PCDHA2: variants seen among roughly 807,000 people sequenced by gnomAD.
PCDHA2 encodes protocadherin alpha 2.
A neutral mutation model predicts 66.0 loss-of-function variants in PCDHA2; 58 were observed. The ratio of observed to expected loss-of-function variants is 0.88; its 90% CI spans 0.71 to 1.09. The LOEUF (loss-of-function observed/expected upper bound fraction) is 1.09, where lower values mean the gene tolerates loss of function less well. Among genes scored for constraint, PCDHA2 ranks in the 50% least tolerant of loss-of-function variants. The pLI is 0.00. For synonymous variants in PCDHA2, 634 were observed against 554.0 expected, an observed-to-expected ratio of 1.14 and a Z score of -2.03; for missense variants, 1,267 against 1,242.3, an observed-to-expected ratio of 1.02 and a Z score of -0.30.
intron 1 of PCDHA2, chr5:140,852,221 T>C: frequency 1.6e-6 from 1 of 623,256 alleles, no homozygotes; most frequent in Non-Finnish European, 2.1e-6. Context: ...AATATTTTAA[T>C]TTTTAAATTT....
intron 1 of PCDHA2, among the ~76,000 whole-genome samples, chr5:140,897,646 C>T (rs1336141431): frequency 1.3e-5 from 2 of 152,128 alleles, no homozygotes; most frequent in African/African-American, 4.8e-5. Flanking sequence ...CCACAATAAA[C>T]ATACGTGTGC....
chr5:140,992,405 C>T (rs962261885), intron 3 of PCDHA2, among the ~76,000 whole-genome samples: 1 of 152,152 alleles, frequency 6.6e-6, no homozygotes, highest in Non-Finnish European at 1.5e-5. Context: ...AGATATTGTT[C>T]TGCCCCAGGT....
At chr5:140,828,739 T>C in intron 1 of PCDHA2, 2 of 1,614,220 alleles carry the variant, frequency 1.2e-6, no homozygotes, top group Non-Finnish European at 1.7e-6. Context: ...CAGCCACAGA[T>C]GGGGGCAAAC....
intron 1 of PCDHA2, chr5:140,822,069 G>C (rs2150113403): frequency 4.1e-5 from 66 of 1,614,116 alleles, no homozygotes; most frequent in Admixed American, 6.7e-5. Flanking sequence ...GCCGGCGGAG[G>C]GCGGAGTGCA....
chr5:140,832,888 A>G (rs1772201614), intron 1 of PCDHA2, among the ~76,000 whole-genome samples: 2 of 152,142 alleles, frequency 1.3e-5, no homozygotes, highest in Non-Finnish European at 2.9e-5. Flanking sequence ...AAATGGAAAG[A>G]GTTTTCCCTG....
chr5:140,959,303 T>C (rs1467527270), intron 1 of PCDHA2, among the ~76,000 whole-genome samples: 1 of 151,938 alleles, frequency 6.6e-6, no homozygotes, highest in African/African-American at 2.4e-5. Flanking sequence ...CTGAGCCCGG[T>C]GGTTGAAGCT....
chr5:140,990,136 A>C (rs996616541), intron 3 of PCDHA2, among the ~76,000 whole-genome samples: 1 of 152,198 alleles, frequency 6.6e-6, no homozygotes, highest in African/African-American at 2.4e-5. Context: ...GTCAGACTCA[A>C]GAGGCATAAT....
rs782258261 is a variant in PCDHA2 at position 140,808,474 on chromosome 5, C to CG, written c.2388+11127dup. 6 of 1,614,152 alleles carry CG rather than the reference C, an allele frequency of 3.7e-6. 1 individual carries two copies. In the Middle Eastern group the frequency reaches 1.0e-3, roughly 269 times the overall value. On this transcript the variant is annotated intron_variant, in intron 1 of 3. Transcript: ENST00000526136. ...ATGAGCTGGTGGTGACCGCGCGAGA[C>CG]GGGGGCTCGCCTTCGCTGTGGGCCA...
intron 1 of PCDHA2, among the ~76,000 whole-genome samples, chr5:140,946,992 A>G (rs1393633852): frequency 6.6e-6 from 1 of 151,790 alleles, no homozygotes; most frequent in Non-Finnish European, 1.5e-5. Context: ...TGAGTGTTCT[A>G]ACTTCAAAGA....
intron 1 of PCDHA2, among the ~76,000 whole-genome samples, chr5:140,895,004 T>C (rs535461448): frequency 6.6e-6 from 1 of 152,316 alleles, no homozygotes; most frequent in East Asian, 1.9e-4. Flanking sequence ...CCCTTTTTAC[T>C]TGGACCTTTT....
Position 140,855,527 on chromosome 5 carries a change from G to C in PCDHA2, c.2388+58175G>C, listed in dbSNP as rs1017117704. ...TTAAATCTCAAAATAATGAGAAAGA[G>C]AAGTAAGTTAAGTGTCAGAACTTAA... On this transcript the variant is annotated intron_variant, in intron 1 of 3. Coordinates refer to ENST00000526136, the MANE Select transcript of PCDHA2 (RefSeq NM_018905.3). 1.3e-5 allele frequency among the ~76,000 whole-genome samples: 2 copies of C among 149,890 alleles called. 1 individual carries two copies. The highest frequency in any genetic ancestry group is 4.9e-5 in the African/African-American group (2 of 40,842).
At chr5:141,007,638 T>G (rs1393056593) in intron 3 of PCDHA2, among the ~76,000 whole-genome samples, 7 of 152,128 alleles carry the variant, frequency 4.6e-5, no homozygotes, top group African/African-American at 1.7e-4. Context: ...GCCCTCCCTG[T>G]ATTTGCCTAA....
chr5:140,850,103 C>G (rs2150467019), intron 1 of PCDHA2: 2 of 1,596,104 alleles, frequency 1.3e-6, no homozygotes, highest in Admixed American at 3.4e-5. Flanking sequence ...TCCAGGTGAG[C>G]GCGCGCGACG....
intron 1 of PCDHA2, among the ~76,000 whole-genome samples, chr5:140,977,021 A>G (rs1249097233): frequency 1.3e-5 from 2 of 152,190 alleles, no homozygotes; most frequent in East Asian, 3.8e-4. Context: ...ATTCTGTCAA[A>G]TGAATCTAAG....
At chr5:140,810,319 T>C (rs1233053546) in intron 1 of PCDHA2, 1 of 152,250 alleles carries the variant, frequency 6.6e-6, no homozygotes, top group South Asian at 2.1e-4. Context: ...TTGATGCCCA[T>C]GTACACAGAT....
Position 141,009,608 on chromosome 5 carries a change from G to A in PCDHA2, c.2537-19G>A, listed in dbSNP as rs1350951999. ...CATGTGTTGACCCTGTTAATGATTTGTAATGTTTTGTCTTTCAGAACCAGA... is the reference window on the plus strand; with the variant it reads ...CATGTGTTGACCCTGTTAATGATTTATAATGTTTTGTCTTTCAGAACCAGA... On this transcript the variant is annotated intron_variant, in intron 3 of 3. Coordinates refer to ENST00000526136, the MANE Select transcript of PCDHA2 (RefSeq NM_018905.3). The A allele has an allele frequency of 2.5e-6, 4 of 1,610,656 alleles. No individual in the cohort carries two copies. The highest frequency in any genetic ancestry group is 3.4e-6 in the Non-Finnish European group (4 of 1,177,936).
At chr5:140,867,473 G>A (rs2049977371) in intron 1 of PCDHA2, 1 of 151,968 alleles carries the variant, frequency 6.6e-6, no homozygotes, top group Non-Finnish European at 1.5e-5. Flanking sequence ...ACAACATTGG[G>A]AAAAGAGTAA....
intron 1 of PCDHA2, chr5:140,817,081 T>G (rs1314606602): frequency 1.3e-5 from 2 of 152,230 alleles, no homozygotes; most frequent in Non-Finnish European, 2.9e-5. Flanking sequence ...CTGAGGAGCA[T>G]CAGCCCGCCA....
At chr5:140,914,488 G>T (rs1437401245) in intron 1 of PCDHA2, among the ~76,000 whole-genome samples, 1 of 152,080 alleles carries the variant, frequency 6.6e-6, no homozygotes, top group Non-Finnish European at 1.5e-5. Flanking sequence ...AGTGTTTCTT[G>T]TGGGCAACAG....
Sources: gnomAD v4.1 joint callset for allele counts (sites outside exome capture counted in the v4.1 genomes callset) on GRCh38, gnomAD v4.1.1 for gene constraint, MANE v1.5 for transcripts, NCBI Gene and HGNC (gene_info 2026-07-23, HGNC 2026-07-21) for gene names.